Variants in BCL11A observed in about 807,000 individuals in gnomAD.
The protein encoded by BCL11A is B cell CLL/lymphoma 11A.
A neutral mutation model predicts 55.9 loss-of-function variants in BCL11A; 2 were observed. The ratio of observed to expected loss-of-function variants is 0.04; its 90% CI spans 0.01 to 0.11. The LOEUF is 0.11. BCL11A is among the 10% of genes least tolerant of loss of function. The pLI, the probability that BCL11A is intolerant of heterozygous loss-of-function variation, is 1.00. For synonymous variants in BCL11A, 465 were observed against 473.4 expected (o/e 0.98, Z 0.23); for missense variants, 817 against 1,137.1 (o/e 0.72, Z 4.05).
chr2:60,532,643 T>C (rs1669510869), intron 2 of BCL11A, among the ~76,000 whole-genome samples: 1 of 152,262 alleles, frequency 6.6e-6, no homozygotes, highest in Non-Finnish European at 1.5e-5. Flanking sequence ...TCAGATCATG[T>C]GTTGTTCATT....
At chr2:60,505,209 A>T (rs1426012746) in intron 2 of BCL11A, among the ~76,000 whole-genome samples, 1 of 152,118 alleles carries the variant, frequency 6.6e-6, no homozygotes, top group African/African-American at 2.4e-5. Context: ...TTCGAAAGGG[A>T]TGGGCCCAAT....
chr2:60,455,572 A>G (rs1479245544), downstream of BCL11A, among the ~76,000 whole-genome samples: 1 of 152,238 alleles, frequency 6.6e-6, no homozygotes, highest in African/African-American at 2.4e-5. Context: ...ATTTATCACC[A>G]GATGTTTGCA....
At chr2:60,454,150 C>T (rs760032052), downstream of BCL11A, among the ~76,000 whole-genome samples, 18 of 152,062 alleles carry the variant, frequency 1.2e-4, no homozygotes, top group Non-Finnish European at 2.9e-5. Flanking sequence ...TAACGAGATG[C>T]CAGCAAGCAG....
At chr2:60,524,360 G>GT in intron 2 of BCL11A, 1 of 152,244 alleles carries the variant, frequency 6.6e-6, no homozygotes, top group African/African-American at 2.4e-5. Flanking sequence ...TTTATTTCAG[G>GT]TAATAATGGA....
At chr2:60,500,634 A>G (rs931471120) in intron 2 of BCL11A, among the ~76,000 whole-genome samples, 1 of 152,210 alleles carries the variant, frequency 6.6e-6, no homozygotes, top group Non-Finnish European at 1.5e-5. Flanking sequence ...GCTGCTACAC[A>G]GAGACAGCAC....
At chr2:60,497,587 C>T (rs968844817) in intron 2 of BCL11A, among the ~76,000 whole-genome samples, 5 of 148,386 alleles carry the variant, frequency 3.4e-5, no homozygotes, top group African/African-American at 1.3e-4. Context: ...TACGTCAGTG[C>T]CATATCCTAT....
chr2:60,455,137 T>C (rs1675883468), downstream of BCL11A, among the ~76,000 whole-genome samples: 1 of 152,216 alleles, frequency 6.6e-6, no homozygotes, highest in South Asian at 2.1e-4. Flanking sequence ...ATTTGCGGTA[T>C]TCCTGTTTAT....
Position 60,474,989 on chromosome 2 carries a change from G to A in BCL11A, c.386-6156C>T, listed in dbSNP as rs188267372. ...AGAGAAATTATTTCCATTTGGAAGGGAGGGAGAGAGGCTTTGGGAAAGAGG... is the reference window on the plus strand; with the variant it reads ...AGAGAAATTATTTCCATTTGGAAGGAAGGGAGAGAGGCTTTGGGAAAGAGG... On this transcript the variant is annotated intron_variant, in intron 2 of 3. Coordinates refer to ENST00000642384, the MANE Select transcript of BCL11A (RefSeq NM_022893.4). 3.3e-5 allele frequency among the ~76,000 whole-genome samples: 5 copies of A among 152,348 alleles called. No homozygotes were observed. The East Asian group carries it at 7.7e-4, about 23-fold the overall frequency.
chr2:60,517,108 G>A (rs1294486564), intron 2 of BCL11A, among the ~76,000 whole-genome samples: 5 of 152,202 alleles, frequency 3.3e-5, no homozygotes, highest in South Asian at 2.1e-4. Flanking sequence ...ATAAGGGATC[G>A]AAGGTAGACA....
At position 60,541,965 on chromosome 2, in the gene BCL11A, G is replaced by A. The variant is rs548348191; in HGVS notation, c.385+4006C>T. The A allele has an allele frequency of 5.9e-6, 4 of 683,428 alleles. No homozygotes were observed. In the Admixed American group the frequency reaches 1.0e-4, roughly 17 times the overall value. The allele number at this position is 683,428 out of a possible 1,614,324, so 42.3% of individuals were successfully genotyped here. On this transcript the variant is annotated intron_variant, in intron 2 of 3. Transcript: ENST00000642384. ...GAATGGATACAAAAAGAAAAGGTAA[G>A]TTCATTTTCTAAATTCTGAAAAGCA...
intron 2 of BCL11A, among the ~76,000 whole-genome samples, chr2:60,495,503 C>G (rs1485966772): frequency 1.3e-5 from 2 of 152,232 alleles, no homozygotes; most frequent in Non-Finnish European, 2.9e-5. Flanking sequence ...TAGCTGCCTT[C>G]CTTATCACAG....
intron 2 of BCL11A, chr2:60,545,208 C>G (rs1670093176): frequency 6.6e-6 from 1 of 152,290 alleles, no homozygotes; most frequent in Admixed American, 6.5e-5. Flanking sequence ...GCTGAGGAGG[C>G]AGGCTGCAGG....
chr2:60,512,838 G>A (rs1019778768), intron 2 of BCL11A, among the ~76,000 whole-genome samples: 1 of 152,144 alleles, frequency 6.6e-6, no homozygotes, highest in Non-Finnish European at 1.5e-5. Context: ...GAACAAGCAG[G>A]TTTTACTACA....
Position 60,546,363 on chromosome 2 carries a change from C to CA in BCL11A, c.56-64dup, listed in dbSNP as rs1670158183. 3.6e-6 allele frequency: 5 copies of CA among 1,388,518 alleles called. No individual in the cohort carries two copies. In the South Asian group the frequency reaches 6.4e-5, roughly 18 times the overall value. 86.0% of individuals were successfully genotyped at this position (1,388,518 alleles called of 1,614,324 possible). On this transcript the variant is annotated intron_variant, in intron 1 of 3. Coordinates refer to ENST00000642384, the MANE Select transcript of BCL11A (RefSeq NM_022893.4). This position sits in a 1 kb window ranked among gnomAD's most constrained non-coding sequence, Gnocchi z 4.1. ...CCAGAGAGGACAGAAAGGGGAGAAG[C>CA]ACATCTCAACCCCATGCCATCCCAC...
At chr2:60,538,715 G>A (rs555147407) in intron 2 of BCL11A, among the ~76,000 whole-genome samples, 48 of 146,042 alleles carry the variant, frequency 3.3e-4, no homozygotes, top group African/African-American at 1.2e-3. Context: ...GATTTAAACT[G>A]AATGTCTCTC....
rs537945372 is a variant in BCL11A at position 60,519,196 on chromosome 2, G to A, written c.385+26775C>T. ...CAAAAAAAGAAATAGGTGTGAAAGC[G>A]GGGCAAGAAAGGGAACCTGAGGACT... is the stretch of plus-strand genomic sequence containing the variant. On this transcript the variant is annotated intron_variant, in intron 2 of 3. Transcript: ENST00000642384. Among the ~76,000 whole-genome samples, 50 of 152,238 alleles carry A rather than the reference G, an allele frequency of 3.3e-4. No individual in the cohort carries two copies. In the South Asian group the frequency reaches 9.1e-3, roughly 28 times the overall value.
chr2:60,516,234 T>C (rs911090232), intron 2 of BCL11A, among the ~76,000 whole-genome samples: 1 of 152,236 alleles, frequency 6.6e-6, no homozygotes, highest in South Asian at 2.1e-4. Context: ...GTGCTTATTA[T>C]GTGCACTTAG....
rs1676340606 is a variant in BCL11A at position 60,462,061 on chromosome 2, G to A, written c.851C>T (p.Ala284Val). Residue 284 changes from alanine (A) to valine (V), a missense_variant, in exon 4 of 4, where the codon GCG becomes GTG. Physicochemically the swap from Ala to Val is moderately conservative, Grantham distance 64. Coordinates refer to ENST00000642384, the MANE Select transcript of BCL11A (RefSeq NM_022893.4). ...ATGGGTGGCCAGGGCCATCTCTTCC[G>A]CCCCCAGGCGCTCTATGCGGTGGGG... is the stretch of plus-strand genomic sequence containing the variant. ...LDPHRIERLG[A>V]EEMALATHHP... is the part of the protein sequence containing the mutation. 6.3e-7 allele frequency: 1 copy of A among 1,593,944 alleles called. No individual in the cohort carries two copies.
At chr2:60,489,659 C>G (rs1678504195) in intron 2 of BCL11A, among the ~76,000 whole-genome samples, 1 of 152,206 alleles carries the variant, frequency 6.6e-6, no homozygotes, top group South Asian at 2.1e-4. Flanking sequence ...CCCTCTAGGA[C>G]ACTCTGGGTC....
Sources: gnomAD v4.1 joint callset for allele counts (sites outside exome capture counted in the v4.1 genomes callset) on GRCh38, gnomAD v4.1.1 for gene constraint, Gnocchi (gnomAD v3.1) non-coding constraint, MANE v1.5 for transcripts, NCBI Gene and HGNC (gene_info 2026-07-23, HGNC 2026-07-21) for gene names.